Variants in SAMD4A observed in about 807,000 individuals in gnomAD.
SAMD4A encodes the protein sterile alpha motif domain containing 4A, also known as protein Smaug homolog 1.
In SAMD4A, 33 loss-of-function variants were observed where a neutral mutation model predicts 81.3. The ratio of observed to expected loss-of-function variants is 0.41; its 90% CI spans 0.31 to 0.54. The LOEUF is 0.54. Among genes scored for constraint, SAMD4A ranks in the 20% least tolerant of loss-of-function variants. SAMD4A has a pLI of 0.37. For synonymous variants in SAMD4A, 389 were observed against 382.1 expected, an observed-to-expected ratio of 1.02 and a Z score of -0.21; for missense variants, 854 against 951.1, an observed-to-expected ratio of 0.90 and a Z score of 1.34.
At chr14:54,700,073 A>G (rs2036674246) in intron 2 of SAMD4A, among the ~76,000 whole-genome samples, 1 of 152,102 alleles carries the variant, frequency 6.6e-6, no homozygotes, top group African/African-American at 2.4e-5. Flanking sequence ...CTCTTGGGTC[A>G]TCTCTGGTTT....
At chr14:54,576,448 A>G (rs2033300443) in intron 2 of SAMD4A, among the ~76,000 whole-genome samples, 1 of 152,196 alleles carries the variant, frequency 6.6e-6, no homozygotes, top group African/African-American at 2.4e-5. Flanking sequence ...AGGAAAAAGG[A>G]GGGAGAAACC....
At position 54,685,282 on chromosome 14, in the gene SAMD4A, C is replaced by CT. The variant is rs1555343068; in HGVS notation, c.197-16780_197-16779insT. Among the ~76,000 whole-genome samples, 30 of 139,856 alleles carry CT rather than the reference C, an allele frequency of 2.1e-4. 2 individuals are homozygous for CT. The East Asian group carries it at 5.8e-3, about 27-fold the overall frequency. The allele number at this position is 139,856 out of a possible 152,430, so 91.8% of individuals were successfully genotyped here. A position where few individuals can be genotyped will look rare whatever the true frequency, so the allele number is the denominator to read the frequency against. On this transcript the variant is annotated intron_variant, in intron 2 of 12. Coordinates refer to ENST00000554335, the MANE Select transcript of SAMD4A (RefSeq NM_015589.6). ...AACTCCCCATTCTTCCTGCCCCCCC[C>CT]CCCAGCTCCTGGCAGCCACCATTCT... is the stretch of plus-strand genomic sequence containing the variant.
chr14:54,690,593 T>A (rs2036407998), intron 2 of SAMD4A, among the ~76,000 whole-genome samples: 1 of 152,212 alleles, frequency 6.6e-6, no homozygotes, highest in South Asian at 2.1e-4. Flanking sequence ...CCAAGTTATT[T>A]GTGTTACAGA....
chr14:54,729,108 T>A (rs140431178), intron 3 of SAMD4A, among the ~76,000 whole-genome samples: 11 of 152,280 alleles, frequency 7.2e-5, no homozygotes, highest in Non-Finnish European at 1.3e-4. Flanking sequence ...CCTGATGATT[T>A]GTTCAGCGAC....
At chr14:54,720,870 A>G (rs575207054) in intron 3 of SAMD4A, among the ~76,000 whole-genome samples, 1 of 152,156 alleles carries the variant, frequency 6.6e-6, no homozygotes, top group Non-Finnish European at 1.5e-5. Context: ...TCTACCACAT[A>G]AATTGCCATG....
intron 2 of SAMD4A, among the ~76,000 whole-genome samples, chr14:54,610,333 ACAAAGTCATCTGTCGAAAAG>A (rs2034320449): frequency 6.6e-6 from 1 of 152,208 alleles, no homozygotes; most frequent in Non-Finnish European, 1.5e-5. Flanking sequence ...TAAAGAAGGA[ACAAAGTCATCTGTCGAAAAG>A]CAACTCCAGG....
intron 3 of SAMD4A, among the ~76,000 whole-genome samples, chr14:54,733,795 G>A (rs568487628): frequency 1.3e-5 from 2 of 151,592 alleles, no homozygotes; most frequent in East Asian, 3.9e-4. Context: ...CTTCTCAGAA[G>A]TCTGTATTTA....
At chr14:54,705,416 G>C (rs1016786645) in intron 3 of SAMD4A, among the ~76,000 whole-genome samples, 1 of 152,170 alleles carries the variant, frequency 6.6e-6, no homozygotes, top group Admixed American at 6.5e-5. Context: ...CTGCACTGAA[G>C]AGCTACACTT....
At chr14:54,656,383 T>A (rs1042078067) in intron 2 of SAMD4A, among the ~76,000 whole-genome samples, 1 of 152,200 alleles carries the variant, frequency 6.6e-6, no homozygotes, top group East Asian at 1.9e-4. Flanking sequence ...AGGCTTCTGG[T>A]CATGGTATGT....
intron 6 of SAMD4A, 116 bp from the exon 7 acceptor site, chr14:54,760,045 T>G: frequency 1.7e-5 from 18 of 1,040,308 alleles, no homozygotes; most frequent in Non-Finnish European, 2.3e-5. Flanking sequence ...AACGTCCTGA[T>G]GAGGGTACCA....
intron 8 of SAMD4A, among the ~76,000 whole-genome samples, chr14:54,768,411 T>C (rs1566629413): frequency 1.3e-5 from 2 of 152,126 alleles, no homozygotes; most frequent in African/African-American, 2.4e-5. Flanking sequence ...TTATCCTCAG[T>C]TTCTAGGAGG....
intron 3 of SAMD4A, among the ~76,000 whole-genome samples, chr14:54,704,709 A>G (rs559577354): frequency 2.0e-5 from 3 of 152,348 alleles, no homozygotes; most frequent in East Asian, 1.9e-4. Flanking sequence ...GCCCTCTTCC[A>G]GAGCATCAGA....
chr14:54,737,433 C>T, intron 4 of SAMD4A, 146 bp downstream of exon 4: 1 of 942,656 alleles, frequency 1.1e-6, no homozygotes, highest in Non-Finnish European at 1.5e-6. Context: ...TTCCAGAACT[C>T]CAGGTTGACC....
chr14:54,579,579 G>C (rs2033406329), intron 2 of SAMD4A, among the ~76,000 whole-genome samples: 1 of 152,194 alleles, frequency 6.6e-6, no homozygotes, highest in Non-Finnish European at 1.5e-5. Context: ...TTTTCAGCTT[G>C]TCCATTTAAA....
rs1178326462 is a variant in SAMD4A, at chr14:54,567,985, T to A, written c.69T>A (p.Thr23=). Residue 23 remains threonine (T), a synonymous_variant, in exon 2 of 13, where the codon ACT becomes ACA. Transcript: ENST00000554335. ...AGGGCTGGAACGAGTGCGAGCAGACTGTTGCGCTGCTGTCGCTGCTCAAGC... is the reference window on the plus strand; with the variant it reads ...AGGGCTGGAACGAGTGCGAGCAGACAGTTGCGCTGCTGTCGCTGCTCAAGC... The part of the protein sequence containing the change: ...WFKGWNECEQ[T]VALLSLLKRV... 2 of 1,610,154 alleles carry A rather than the reference T, an allele frequency of 1.2e-6. No homozygotes were observed. Among genetic ancestry groups the A allele is most frequent in the Non-Finnish European group, 1.7e-6 (2 of 1,179,588 alleles).
chr14:54,661,638 G>T (rs953359595), intron 2 of SAMD4A, among the ~76,000 whole-genome samples: 5 of 152,112 alleles, frequency 3.3e-5, no homozygotes, highest in African/African-American at 4.8e-5. Flanking sequence ...ATGCAAGTTG[G>T]CTTTGTGACT....
chr14:54,665,078 C>A (rs1359139125), intron 2 of SAMD4A, among the ~76,000 whole-genome samples: 2 of 152,002 alleles, frequency 1.3e-5, no homozygotes, highest in African/African-American at 4.8e-5. Context: ...TATAGTGGAG[C>A]ACAAACAACT....
In SAMD4A at chr14:54,775,095, A is replaced by C; in HGVS notation, c.1877A>C (p.Asn626Thr). Residue 626 changes from asparagine to threonine, a missense_variant, in exon 10 of 13, where the codon AAC (asparagine) becomes ACC (threonine). Physicochemically the swap from Asn to Thr is moderately conservative, Grantham distance 65. This residue lies in a region of SAMD4A where 428 missense variants were observed against 471.2 expected (regional missense o/e 0.91). Coordinates refer to ENST00000554335, the MANE Select transcript of SAMD4A (RefSeq NM_015589.6). Reference protein sequence around the residue: ...TSGFVSSNQRNTTATPTIMKQ... With the variant: ...TSGFVSSNQRTTTATPTIMKQ... ...GGATTCGTCAGCTCCAACCAGCGCA[A>C]CACCACAGCTACCCCCACCATCATG... is the stretch of plus-strand genomic sequence containing the variant. The C allele has an allele frequency of 1.9e-6, 3 of 1,614,196 alleles. No homozygotes were observed. The highest frequency in any genetic ancestry group is 2.5e-6 in the Non-Finnish European group (3 of 1,180,040).
At chr14:54,604,604 T>C (rs4901524) in intron 2 of SAMD4A, among the ~76,000 whole-genome samples, 19,312 of 152,254 alleles carry the variant, frequency 0.13, 1,681 homozygotes, top group East Asian at 0.39. Flanking sequence ...TTCAATCTTT[T>C]GTAGTTCTGA....
Sources: allele counts gnomAD v4.1 joint callset (sites outside exome capture counted in the v4.1 genomes callset), GRCh38; gene constraint gnomAD v4.1.1; regional missense constraint gnomAD v4.1.1; transcripts MANE v1.5; gene names NCBI Gene and HGNC (gene_info 2026-07-23, HGNC 2026-07-21).